TULP4: variants seen among roughly 807,000 people sequenced by gnomAD.
TULP4 encodes the protein TUB like protein 4.
In TULP4, 16 loss-of-function variants were observed where a neutral mutation model predicts 129.0. That is an observed-to-expected ratio of 0.12 (90% CI 0.08 to 0.19). TULP4 has a LOEUF of 0.19. Ranked by LOEUF, TULP4 falls within the 10% of genes least tolerant of loss-of-function variation. TULP4 has a pLI of 1.00. For synonymous variants in TULP4, 998 were observed against 854.0 expected (o/e 1.17, Z -2.94); for missense variants, 1,842 against 2,059.1 (o/e 0.89, Z 2.04).
chr6:158,335,129 T>C (rs566079799), intron 1 of TULP4, among the ~76,000 whole-genome samples: 1 of 152,002 alleles, frequency 6.6e-6, no homozygotes, highest in East Asian at 1.9e-4. Context: ...TACAAAAAAT[T>C]AGCAGAGTGT....
At chr6:158,301,364 CA>C (rs1779128209) in intron 1 of TULP4, among the ~76,000 whole-genome samples, 1 of 150,706 alleles carries the variant, frequency 6.6e-6, no homozygotes, top group African/African-American at 2.4e-5. Flanking sequence ...ATCAAGTGAC[CA>C]CCCAAGAAGT....
intron 5 of TULP4, among the ~76,000 whole-genome samples, chr6:158,454,746 C>T (rs1779254637): frequency 6.6e-6 from 1 of 152,008 alleles, no homozygotes; most frequent in Non-Finnish European, 1.5e-5. Flanking sequence ...GCTGGGATTA[C>T]AGGCGCATGC....
intron 4 of TULP4, among the ~76,000 whole-genome samples, chr6:158,451,169 T>G (rs1043023625): frequency 2.0e-5 from 3 of 152,264 alleles, no homozygotes; most frequent in South Asian, 2.1e-4. Flanking sequence ...AGAACAGAAT[T>G]CAGTCCCTGG....
chr6:158,371,004 T>C (rs1210660457), intron 1 of TULP4, among the ~76,000 whole-genome samples: 5 of 152,176 alleles, frequency 3.3e-5, no homozygotes, highest in African/African-American at 1.2e-4. Context: ...CAGTTCTAGC[T>C]CCCTTACAGG....
upstream of TULP4, among the ~76,000 whole-genome samples, chr6:158,310,167 T>C (rs1010848849): frequency 6.6e-6 from 1 of 152,226 alleles, no homozygotes; most frequent in East Asian, 1.9e-4. Flanking sequence ...TTTAATTGGC[T>C]CATGGCTCTG....
intron 1 of TULP4, among the ~76,000 whole-genome samples, chr6:158,300,162 C>G (rs1228116785): frequency 6.6e-6 from 1 of 152,148 alleles, no homozygotes; most frequent in Non-Finnish European, 1.5e-5. Flanking sequence ...TCAGTATTCA[C>G]ACGAAGTTTA....
chr6:158,312,734 A>G lies in TULP4; in HGVS notation c.-1283A>G, dbSNP rs1227075802. ...ATATTGTAAAATAGCAATTGAAACC[A>G]ATAATTATTAAATAAATATCAAGGA... On this transcript the variant is annotated 5_prime_UTR_variant, in exon 1 of 14. Transcript: ENST00000367097. The G allele has an allele frequency of 6.6e-6, 1 of 152,212 alleles. No individual in the cohort carries two copies. The highest frequency in any genetic ancestry group is 2.4e-5 in the African/African-American group (1 of 41,450). The allele number at this position is 152,212 out of a possible 1,614,324, so 9.4% of individuals were successfully genotyped here. A position where few individuals can be genotyped will look rare whatever the true frequency, so the allele number is the denominator to read the frequency against.
intron 1 of TULP4, among the ~76,000 whole-genome samples, chr6:158,349,538 C>T (rs1331734996): frequency 9.1e-5 from 13 of 142,844 alleles, no homozygotes; most frequent in Non-Finnish European, 1.9e-4. Flanking sequence ...GGCAGAGGCG[C>T]TCCTCACATC....
intron 6 of TULP4, among the ~76,000 whole-genome samples, chr6:158,462,903 C>T (rs1051488176): frequency 2.6e-5 from 4 of 152,108 alleles, no homozygotes; most frequent in African/African-American, 9.7e-5. Flanking sequence ...GTGCCCGCCA[C>T]CACGCCCGGC....
rs185954358 is a variant in TULP4, at chr6:158,294,275, A to G, written n.116+11897A>G. Among the ~76,000 whole-genome samples the G allele has an allele frequency of 5.3e-3, 802 of 152,098 alleles. 6 individuals are homozygous for G. The highest frequency in any genetic ancestry group is 0.018 in the African/African-American group (750 of 41,488). ...CTATTTGGGAGGCTGAGGCAGGAGAATCGCATGAACCTGGGAGGCAGAGAT... is the reference window on the plus strand; with the variant it reads ...CTATTTGGGAGGCTGAGGCAGGAGAGTCGCATGAACCTGGGAGGCAGAGAT... On this transcript the variant is annotated intron_variant and non_coding_transcript_variant, in intron 1 of 1. Transcript: ENST00000432358.
At chr6:158,464,766 T>A (rs575160835) in intron 6 of TULP4, among the ~76,000 whole-genome samples, 1 of 152,170 alleles carries the variant, frequency 6.6e-6, no homozygotes, top group East Asian at 1.9e-4. Flanking sequence ...ATGGTAAATG[T>A]CTCCTTTCAG....
At position 158,287,024 on chromosome 6, in the gene TULP4, A is replaced by G. The variant is rs532592924; in HGVS notation, n.116+4646A>G. ...ACAGATATTTACTGAGTTCTTTTCT[A>G]GGTCTGGAGATTCAGTGATGAAGGC... is the stretch of plus-strand genomic sequence containing the variant. On this transcript the variant is annotated intron_variant and non_coding_transcript_variant, in intron 1 of 1. Coordinates refer to the TULP4 transcript ENST00000432358. 1.9e-4 allele frequency among the ~76,000 whole-genome samples: 29 copies of G among 152,306 alleles called. No individual in the cohort carries two copies. In the East Asian group the frequency reaches 1.9e-3, roughly 10 times the overall value.
intron 1 of TULP4, among the ~76,000 whole-genome samples, chr6:158,341,736 T>C (rs1780185078): frequency 6.6e-6 from 1 of 152,216 alleles, no homozygotes; most frequent in Non-Finnish European, 1.5e-5. Flanking sequence ...TGTTCAGATC[T>C]TTTGCCAATA....
chr6:158,365,509 C>T (rs1462846523), intron 1 of TULP4, among the ~76,000 whole-genome samples: 4 of 141,766 alleles, frequency 2.8e-5, no homozygotes, highest in African/African-American at 1.1e-4. Flanking sequence ...CAGAGTCTTG[C>T]TCTGTTGCCC....
At chr6:158,489,529 A>G in intron 8 of TULP4, 59 bp from the exon 9 acceptor site, 2 of 1,602,642 alleles carry the variant, frequency 1.2e-6, no homozygotes, top group South Asian at 2.2e-5. Context: ...AGTAATGATC[A>G]TTGGTAGGGG....
intron 1 of TULP4, among the ~76,000 whole-genome samples, chr6:158,249,962 C>T (rs748467252): frequency 1.3e-5 from 2 of 152,052 alleles, no homozygotes; most frequent in Non-Finnish European, 2.9e-5. Context: ...CATTTGGTCC[C>T]TGCTAGGCTA....
chr6:158,322,954 A>T (rs1034022532), intron 1 of TULP4, among the ~76,000 whole-genome samples: 3 of 152,170 alleles, frequency 2.0e-5, no homozygotes, highest in African/African-American at 7.2e-5. Context: ...CTTGAGAAAT[A>T]CTTAGGATTT....
At chr6:158,345,914 G>A (rs568447923) in intron 1 of TULP4, among the ~76,000 whole-genome samples, 2 of 152,268 alleles carry the variant, frequency 1.3e-5, no homozygotes, top group East Asian at 1.9e-4. Flanking sequence ...CAAAGCAGAC[G>A]TTTATAGATC....
At chr6:158,289,379 A>T (rs1778889927) in intron 1 of TULP4, among the ~76,000 whole-genome samples, 1 of 150,042 alleles carries the variant, frequency 6.7e-6, no homozygotes, top group South Asian at 2.1e-4. Flanking sequence ...AGCTTGTCTA[A>T]TTTTTTTTTC....
Sources: gnomAD v4.1 joint callset for allele counts (sites outside exome capture counted in the v4.1 genomes callset) on GRCh38, gnomAD v4.1.1 for gene constraint, MANE v1.5 for transcripts, NCBI Gene and HGNC (gene_info 2026-07-23, HGNC 2026-07-21) for gene names.